The following TFDP2 variants were observed in gnomAD, a reference collection of about 807,000 sequenced individuals.
TFDP2 encodes transcription factor Dp-2 (E2F dimerization partner 2).
TFDP2 carries 17 observed loss-of-function variants against 59.3 expected under a neutral mutation model. The observed-to-expected ratio is 0.29, with a 90% CI of 0.20 to 0.43. The LOEUF (loss-of-function observed/expected upper bound fraction) is 0.43, where lower values mean the gene tolerates loss of function less well. Among genes scored for constraint, TFDP2 ranks in the 20% least tolerant of loss-of-function variants. The pLI is 1.00. For missense variants in TFDP2, 391 were observed against 528.8 expected (o/e 0.74, Z 2.56); for synonymous variants, 180 against 194.7 (o/e 0.92, Z 0.63).
intron 1 of TFDP2, among the ~76,000 whole-genome samples, chr3:142,114,744 G>A (rs2061790325): frequency 5.9e-5 from 9 of 151,620 alleles, no homozygotes; most frequent in Admixed American, 5.9e-4. Flanking sequence ...ATAATCCAAA[G>A]CTATAGAAGA....
intron 11 of TFDP2, among the ~76,000 whole-genome samples, chr3:141,957,775 T>C (rs1336693800): frequency 6.6e-6 from 1 of 152,166 alleles, no homozygotes; most frequent in Non-Finnish European, 1.5e-5. Context: ...GGCAAATCCA[T>C]AGTGACACAA....
Position 141,978,536 on chromosome 3 carries a change from T to C in TFDP2, c.503A>G (p.His168Arg), listed in dbSNP as rs563332319. 7 of 1,609,536 alleles carry C rather than the reference T, an allele frequency of 4.3e-6. No homozygotes were observed. The African/African-American group carries it at 8.0e-5, about 18-fold the overall frequency. The change falls in exon 7 of 13, where the codon CAT (histidine) becomes CGT (arginine). Residue 168 changes from histidine to arginine, a missense_variant. By Grantham distance (29) the His-to-Arg change is conservative. Transcript: ENST00000489671. ...TTTACATACCGAATCAGCAGCCAAA[T>C]GGTTATTTGAATTGGTGAACTCTGA... The part of the protein sequence containing the change: ...LVSEFTNSNN[H>R]LAADSAYDQK...
chr3:141,977,892 A>G (rs892905790), intron 7 of TFDP2, among the ~76,000 whole-genome samples: 3 of 151,462 alleles, frequency 2.0e-5, no homozygotes, highest in African/African-American at 7.3e-5. Context: ...TTGTATTTTT[A>G]GTAGAGACAG....
intron 3 of TFDP2, among the ~76,000 whole-genome samples, chr3:142,046,877 T>C (rs533431890): frequency 6.6e-6 from 1 of 152,230 alleles, no homozygotes; most frequent in South Asian, 2.1e-4. Context: ...CTAGCTATCA[T>C]CTAAATTCAG....
At chr3:142,032,852 A>C (rs1000810286) in intron 3 of TFDP2, among the ~76,000 whole-genome samples, 1 of 152,208 alleles carries the variant, frequency 6.6e-6, no homozygotes, top group South Asian at 2.1e-4. Context: ...ATACCATCCA[A>C]AATGGTAGCC....
intron 2 of TFDP2, among the ~76,000 whole-genome samples, chr3:142,096,370 C>T (rs138942843): frequency 1.3e-5 from 2 of 152,228 alleles, no homozygotes; most frequent in African/African-American, 2.4e-5. Context: ...AAAATATTAG[C>T]CATTCTTCCC....
In TFDP2 at chr3:141,989,891, A is replaced by AT. The variant is rs779978951; in HGVS notation, c.356+3646dup. 7.9e-3 allele frequency among the ~76,000 whole-genome samples: 1,184 copies of AT among 149,294 alleles called. 17 individuals carry two copies. The highest frequency in any genetic ancestry group is 0.026 in the African/African-American group (1,039 of 40,556). Reference sequence around the variant, plus strand: ...CAGATTTACTTTAATAATAATAATAATAATTATTATTATTATTATTGAGAC... The same window carrying AT: ...CAGATTTACTTTAATAATAATAATAATTAATTATTATTATTATTATTGAGAC... On this transcript the variant is annotated intron_variant, in intron 6 of 12. Transcript: ENST00000489671.
intron 3 of TFDP2, among the ~76,000 whole-genome samples, chr3:142,082,951 T>A (rs1471551483): frequency 6.6e-6 from 1 of 152,032 alleles, no homozygotes; most frequent in Non-Finnish European, 1.5e-5. Context: ...TCCTATAAGA[T>A]CTGGAACACA....
intron 3 of TFDP2, among the ~76,000 whole-genome samples, chr3:142,074,362 TTA>T (rs1347010233): frequency 2.7e-5 from 4 of 150,916 alleles, no homozygotes; most frequent in Admixed American, 2.6e-4. Context: ...TGAGTTGAGA[TTA>T]TACCACTGCA....
intron 2 of TFDP2, among the ~76,000 whole-genome samples, chr3:142,099,783 C>T (rs144525337): frequency 0.015 from 2,225 of 151,878 alleles, 25 homozygotes; most frequent in South Asian, 0.042. Context: ...CTTATCAAAT[C>T]GCCTAGCCAA....
chr3:141,969,243 A>G (rs184216581), intron 9 of TFDP2, among the ~76,000 whole-genome samples: 1,727 of 109,110 alleles, frequency 0.016, 169 homozygotes, highest in African/African-American at 0.07. Context: ...ATATATATAT[A>G]TATAACATAT....
chr3:141,977,101 TATATA>T (rs1559959372), intron 7 of TFDP2, among the ~76,000 whole-genome samples: 15 of 99,816 alleles, frequency 1.5e-4, no homozygotes, highest in African/African-American at 6.5e-4. Flanking sequence ...TATATATATA[TATATA>T]TTTTTTTTTT....
At chr3:142,016,330 ACT>A (rs1945132814) in intron 3 of TFDP2, among the ~76,000 whole-genome samples, 1 of 81,852 alleles carries the variant, frequency 1.2e-5, no homozygotes, top group South Asian at 3.8e-4. Context: ...AGACAGTCTC[ACT>A]CTGTCACCCA....
chr3:142,035,664 T>A (rs1279531155), intron 3 of TFDP2, among the ~76,000 whole-genome samples: 2 of 152,202 alleles, frequency 1.3e-5, no homozygotes, highest in East Asian at 3.8e-4. Flanking sequence ...GGGAGGGACC[T>A]GGTGGTAGGT....
chr3:142,105,015 C>T (rs1160217552), intron 1 of TFDP2, among the ~76,000 whole-genome samples: 1 of 152,076 alleles, frequency 6.6e-6, no homozygotes, highest in Non-Finnish European at 1.5e-5. Flanking sequence ...CCTCTTAGAG[C>T]CTCCATGTCT....
chr3:141,999,666 T>C (rs1051324280), intron 4 of TFDP2, among the ~76,000 whole-genome samples: 1 of 152,090 alleles, frequency 6.6e-6, no homozygotes, highest in Non-Finnish European at 1.5e-5. Flanking sequence ...CCAAAAGACA[T>C]GTAAAGTTCA....
intron 3 of TFDP2, among the ~76,000 whole-genome samples, chr3:142,034,131 T>C (rs1946565591): frequency 6.8e-6 from 1 of 147,000 alleles, no homozygotes; most frequent in South Asian, 2.2e-4. Flanking sequence ...GTTTTGCTCC[T>C]GTTGCCCAGG....
intron 6 of TFDP2, among the ~76,000 whole-genome samples, chr3:141,986,983 T>C (rs552551927): frequency 6.6e-6 from 1 of 152,366 alleles, no homozygotes; most frequent in African/African-American, 2.4e-5. Flanking sequence ...TATGCCCTTA[T>C]ATCCAGCAAC....
intron 1 of TFDP2, among the ~76,000 whole-genome samples, chr3:142,136,243 T>C (rs1469139009): frequency 1.3e-5 from 2 of 152,092 alleles, no homozygotes; most frequent in Non-Finnish European, 2.9e-5. Context: ...CACTTTTTGA[T>C]AGGATCTTTT....
Sources: allele counts gnomAD v4.1 joint callset (sites outside exome capture counted in the v4.1 genomes callset), GRCh38; gene constraint gnomAD v4.1.1; transcripts MANE v1.5; gene names NCBI Gene and HGNC (gene_info 2026-07-23, HGNC 2026-07-21).